The following BRF1 variants were observed in gnomAD, a reference collection of about 807,000 sequenced individuals.
BRF1 encodes BRF1 general transcription factor IIIB subunit, also known as transcription factor IIIB 90 kDa subunit.
In BRF1, 59 loss-of-function variants were observed where a neutral mutation model predicts 81.7. That is an observed-to-expected ratio of 0.72 (90% CI 0.59 to 0.90). BRF1 has a LOEUF of 0.90. Among genes scored for constraint, BRF1 ranks in the 40% least tolerant of loss-of-function variants. The pLI is 0.00. For synonymous variants in BRF1, 491 were observed against 395.6 expected (o/e 1.24, Z -2.86); for missense variants, 1,050 against 936.3 (o/e 1.12, Z -1.58).
At chr14:105,229,668 G>A (rs1219918850) in intron 6 of BRF1, among the ~76,000 whole-genome samples, 13 of 149,830 alleles carry the variant, frequency 8.7e-5, no homozygotes, top group Non-Finnish European at 1.2e-4. Flanking sequence ...CAGCCCCGTG[G>A]CACCCTCAGG....
chr14:105,267,373 G>A (rs2056463633), intron 3 of BRF1, among the ~76,000 whole-genome samples: 3 of 151,710 alleles, frequency 2.0e-5, no homozygotes, highest in Admixed American at 6.6e-5. Context: ...GTGCGATCAT[G>A]GCTCACTGCA....
intron 4 of BRF1, 111 bp downstream of exon 4, chr14:105,256,407 C>T (rs780854187): frequency 2.8e-5 from 45 of 1,611,310 alleles, no homozygotes; most frequent in Non-Finnish European, 3.5e-5. Context: ...CAGCACAGAC[C>T]GGCCACTGAG....
chr14:105,250,357 G>A, intron 5 of BRF1: 1 of 1,613,684 alleles, frequency 6.2e-7, no homozygotes, highest in Non-Finnish European at 8.5e-7. Context: ...CCAGCTCTGG[G>A]AAGGCTGAGT....
intron 14 of BRF1, 76 bp from the exon 15 acceptor site, chr14:105,217,876 C>A: frequency 6.4e-7 from 1 of 1,569,070 alleles, no homozygotes. Context: ...CCACGTGAGG[C>A]CAGGAGTGCA....
chr14:105,222,086 CG>C (rs1892371160), intron 10 of BRF1, 172 bp from the exon 11 acceptor site: 6 of 715,112 alleles, frequency 8.4e-6, no homozygotes, highest in Non-Finnish European at 1.1e-5. Flanking sequence ...GCACTGCACG[CG>C]GAAGTTAGCT....
chr14:105,212,145 T>G lies in BRF1; in HGVS notation c.1792A>C (p.Thr598Pro), dbSNP rs757420676. ...GTGGCCACCTTCTTTGCTGGCTGCG[T>G]AGACACCAGAGGCCTCAACCTGCAA... Reference protein sequence around the residue: ...VGKRLRPLVSTQPAKKVATGE... With the variant: ...VGKRLRPLVSPQPAKKVATGE... Residue 598 changes from threonine to proline, a missense_variant, in exon 16 of 18, where the codon ACG becomes CCG. This residue lies in a region of BRF1 where 1,043 missense variants were observed against 915.4 expected (regional missense o/e 1.14). Coordinates refer to ENST00000547530, the MANE Select transcript of BRF1 (RefSeq NM_001519.4). 6.2e-7 allele frequency: 1 copy of G among 1,612,674 alleles called. No homozygotes were observed. The highest frequency in any genetic ancestry group is 2.2e-5 in the East Asian group (1 of 44,846).
rs1160580490 is a variant in BRF1, at chr14:105,314,863, G to A, written c.-162+459C>T. Reference sequence around the variant, plus strand: ...TCCGCGCGCCCGGCCCGCCCGCCGCGCGTCCGCGGCCCGGCCGCAGCCCCA... The same window carrying A: ...TCCGCGCGCCCGGCCCGCCCGCCGCACGTCCGCGGCCCGGCCGCAGCCCCA... On this transcript the variant is annotated intron_variant, in intron 1 of 17. Coordinates refer to the BRF1 transcript ENST00000327359. 2.7e-5 allele frequency: 22 copies of A among 827,986 alleles called. No individual in the cohort carries two copies. In the East Asian group the frequency reaches 2.4e-3, roughly 90 times the overall value. The allele number at this position is 827,986 out of a possible 1,614,324, so 51.3% of individuals were successfully genotyped here.
At chr14:105,213,822 G>C (rs1475718285) in intron 15 of BRF1, among the ~76,000 whole-genome samples, 2 of 152,200 alleles carry the variant, frequency 1.3e-5, no homozygotes, top group Admixed American at 6.5e-5. Flanking sequence ...TAGTGTTCAT[G>C]AGTGCAGAAC....
Position 105,210,378 on chromosome 14 carries a change from A to T in BRF1, c.*173T>A, listed in dbSNP as rs936286020. The T allele has an allele frequency of 1.5e-6, 1 of 685,372 alleles. No homozygotes were observed. Among genetic ancestry groups the T allele is most frequent in the Non-Finnish European group, 2.4e-6 (1 of 409,152 alleles). 42.5% of individuals were successfully genotyped at this position (685,372 alleles called of 1,614,324 possible). ...TGGTCCGGTTTCCCTTGCTGAATAG[A>T]AACACAATCCCAATGGTAAGTTCCA... is the stretch of plus-strand genomic sequence containing the variant. On this transcript the variant is annotated 3_prime_UTR_variant, in exon 18 of 18. Transcript: ENST00000547530. The surrounding 1 kb of genome is among the most constrained non-coding windows in gnomAD (Gnocchi z 4.7).
In BRF1 at chr14:105,225,029, C is replaced by T. The variant is rs587713040; in HGVS notation, c.1048+1040G>A. On this transcript the variant is annotated intron_variant, in intron 10 of 17. Coordinates refer to ENST00000547530, the MANE Select transcript of BRF1 (RefSeq NM_001519.4). ...AGAGCAGCCTCTCAGAAGCCCCTCC[C>T]CGGGCAAGTGGGCCCAGGCCGCAGG... is the stretch of plus-strand genomic sequence containing the variant. Among the ~76,000 whole-genome samples, 264 of 152,342 alleles carry T rather than the reference C, an allele frequency of 1.7e-3. 1 individual carries two copies. Among genetic ancestry groups the T allele is most frequent in the Non-Finnish European group, 2.4e-3 (166 of 68,026 alleles).
chr14:105,218,569 C>T (rs587717876), intron 14 of BRF1, among the ~76,000 whole-genome samples: 33 of 152,338 alleles, frequency 2.2e-4, no homozygotes, highest in Admixed American at 5.2e-4. Flanking sequence ...GCCTGCACCA[C>T]GAGGCTGAAG....
intron 1 of BRF1, among the ~76,000 whole-genome samples, chr14:105,294,016 G>A (rs947207974): frequency 6.6e-6 from 1 of 152,206 alleles, no homozygotes; most frequent in Non-Finnish European, 1.5e-5. Context: ...CTACTTGTGT[G>A]CCAGGGAAAC....
At chr14:105,259,632 C>T (rs994737719) in intron 3 of BRF1, among the ~76,000 whole-genome samples, 6 of 152,158 alleles carry the variant, frequency 3.9e-5, no homozygotes, top group African/African-American at 1.2e-4. Flanking sequence ...CCATGTCCAC[C>T]GGACACGGGG....
At chr14:105,312,925 G>C (rs985198637) in intron 1 of BRF1, among the ~76,000 whole-genome samples, 2 of 152,166 alleles carry the variant, frequency 1.3e-5, no homozygotes, top group African/African-American at 4.8e-5. Context: ...CAGACTGTGT[G>C]GGTCATATCC....
intron 5 of BRF1, chr14:105,249,136 C>G: frequency 6.4e-7 from 1 of 1,552,812 alleles, no homozygotes; most frequent in Admixed American, 1.9e-5. Context: ...ACGCCCCCAG[C>G]CCGTGCCTCT....
In BRF1 at chr14:105,241,361, T is replaced by G. The variant is rs2054620945; in HGVS notation, c.598A>C (p.Asn200His). 6 of 1,612,676 alleles carry G rather than the reference T, an allele frequency of 3.7e-6. No homozygotes were observed. Among genetic ancestry groups the G allele is most frequent in the South Asian group, 1.1e-5 (1 of 91,094 alleles). Residue 200 changes from asparagine to histidine, a missense_variant, in exon 6 of 18, where the codon AAC (asparagine) becomes CAC (histidine). By Grantham distance (68) the Asn-to-His change is moderately conservative (BLOSUM62 1). Coordinates refer to ENST00000547530, the MANE Select transcript of BRF1 (RefSeq NM_001519.4). ...FAHLLEFGEK[N>H]HEVSMTALRL... The stretch of plus-strand genomic sequence containing the variant: ...AGGGCAGTCATGGACACCTCGTGGT[T>G]CTTCTCCCCGAATTCCAGCAGGTGC...
intron 10 of BRF1, among the ~76,000 whole-genome samples, chr14:105,224,370 A>T (rs587621987): frequency 1.3e-5 from 2 of 152,312 alleles, no homozygotes; most frequent in South Asian, 4.1e-4. Flanking sequence ...CTGTCTCCAA[A>T]AAAAGAAAAA....
chr14:105,270,129 A>C (rs929966099), intron 3 of BRF1, among the ~76,000 whole-genome samples: 3 of 151,720 alleles, frequency 2.0e-5, no homozygotes, highest in African/African-American at 7.3e-5. Context: ...CGTGTGCTTT[A>C]AACACTTTTA....
intron 5 of BRF1, chr14:105,249,097 C>T (rs1218759105): frequency 2.1e-5 from 31 of 1,485,976 alleles, no homozygotes; most frequent in Non-Finnish European, 2.8e-5. Flanking sequence ...TGAGCCCGTG[C>T]CCCGCGGCCC....
Sources: allele counts gnomAD v4.1 joint callset (sites outside exome capture counted in the v4.1 genomes callset), GRCh38; gene constraint gnomAD v4.1.1; regional missense constraint gnomAD v4.1.1; non-coding constraint Gnocchi (gnomAD v3.1); transcripts MANE v1.5; gene names NCBI Gene and HGNC (gene_info 2026-07-23, HGNC 2026-07-21).